The following HNRNPH3 variants were observed in gnomAD, a reference collection of about 807,000 sequenced individuals.
HNRNPH3 encodes the protein heterogeneous nuclear ribonucleoprotein H3.
In HNRNPH3, 7 loss-of-function variants were observed where a neutral mutation model predicts 47.0. The ratio of observed to expected loss-of-function variants is 0.15; its 90% CI spans 0.08 to 0.28. The LOEUF (loss-of-function observed/expected upper bound fraction) is 0.28, where lower values mean the gene tolerates loss of function less well. HNRNPH3 is among the 10% of genes least tolerant of loss of function. The probability of loss-of-function intolerance (pLI) is 1.00; values close to 1 mark genes in which losing one functional copy is unlikely to be tolerated. For synonymous variants in HNRNPH3, 120 were observed against 143.2 expected (o/e 0.84, Z 1.16); for missense variants, 279 against 449.6 (o/e 0.62, Z 3.43).
At chr10:68,341,542 A>G (rs1383638858) in intron 7 of HNRNPH3, 43 bp from the exon 8 acceptor site, 22 of 1,333,912 alleles carry the variant, frequency 1.6e-5, no homozygotes, top group Non-Finnish European at 1.8e-5. Flanking sequence ...AATTTTATCC[A>G]TCATTCCTTT....
rs146848138 is a variant in HNRNPH3 at position 68,341,679 on chromosome 10, G to C, written c.870G>C (p.Met290Ile). Residue 290 changes from methionine to isoleucine, a missense_variant and splice_region_variant, in exon 8 of 10, where the codon ATG becomes ATC. Met to Ile is a conservative substitution (Grantham distance 10). Transcript: ENST00000265866. ...TGGGAGGCTACGGAAGAGATGGAAT[G>C]GGTATGTAAAGTTTTTAAAATATGC... is the stretch of plus-strand genomic sequence containing the variant. ...SGMGGYGRDG[M>I]DNQGGYGSVG... is the part of the protein sequence containing the mutation. The C allele has an allele frequency of 3.4e-5, 54 of 1,610,194 alleles. No individual in the cohort carries two copies. In the African/African-American group the frequency reaches 7.1e-4, roughly 21 times the overall value.
At chr10:68,343,196 A>G (rs1028797543), downstream of HNRNPH3, 1 of 152,184 alleles carries the variant, frequency 6.6e-6, no homozygotes, top group Non-Finnish European at 1.5e-5. Flanking sequence ...AGATAATAGT[A>G]TGGCGTCTGT....
At chr10:68,339,283 C>A in intron 5 of HNRNPH3, 57 bp downstream of exon 5, 1 of 1,584,808 alleles carries the variant, frequency 6.3e-7, no homozygotes, top group Non-Finnish European at 8.6e-7. Flanking sequence ...ATTTGCTTTG[C>A]AAGCTCTTAG....
In HNRNPH3 at chr10:68,337,638, G is replaced by C; in HGVS notation, c.113-220G>C. 1.9e-6 allele frequency: 1 copy of C among 531,218 alleles called. No homozygotes were observed. The highest frequency in any genetic ancestry group is 3.3e-6 in the Non-Finnish European group (1 of 299,450). The allele number at this position is 531,218 out of a possible 1,614,324, so 32.9% of individuals were successfully genotyped here. A position where few individuals can be genotyped will look rare whatever the true frequency, so the allele number is the denominator to read the frequency against. ...CATGTAATATAGGTGGGCTTTTAGA[G>C]TGTGTAATTACACAGTGTTTTTACA... On this transcript the variant is annotated intron_variant, in intron 2 of 9. Coordinates refer to ENST00000265866, the MANE Select transcript of HNRNPH3 (RefSeq NM_012207.3). This position sits in a 1 kb window ranked among gnomAD's most constrained non-coding sequence, Gnocchi z 4.5.
In HNRNPH3 at chr10:68,342,168, T is replaced by C; in HGVS notation, c.*114T>C. On this transcript the variant is annotated 3_prime_UTR_variant, in exon 10 of 10. Transcript: ENST00000265866. ...CTTTATAATGACTGAAGGAATGTGT[T>C]TTCAAAATATTATTTGGTAAAGCAA... The C allele has an allele frequency of 1.5e-6, 1 of 668,592 alleles. No individual in the cohort carries two copies. The allele number at this position is 668,592 out of a possible 1,614,324, so 41.4% of individuals were successfully genotyped here.
chr10:68,341,966 C>G lies in HNRNPH3; in HGVS notation c.965-12C>G. 1 of 1,613,206 alleles carries G rather than the reference C, an allele frequency of 6.2e-7. No individual in the cohort carries two copies. The highest frequency in any genetic ancestry group is 8.5e-7 in the Non-Finnish European group (1 of 1,179,368). ...TCTCCTGCTGAGTGATTCTTAATAT[C>G]TTTTTCTTAAGGCCGTGGTGGTGGA... On this transcript the variant is annotated splice_polypyrimidine_tract_variant and intron_variant, in intron 9 of 9. Transcript: ENST00000265866.
chr10:68,334,872 A>T (rs369079466), intron 1 of HNRNPH3, among the ~76,000 whole-genome samples: 3 of 152,210 alleles, frequency 2.0e-5, no homozygotes, highest in Admixed American at 6.5e-5. Flanking sequence ...GTAGTTTCTG[A>T]CAGCTTTATT....
intron 1 of HNRNPH3, among the ~76,000 whole-genome samples, chr10:68,336,008 CTTATT>C (rs1050920251): frequency 6.6e-6 from 1 of 152,138 alleles, no homozygotes; most frequent in African/African-American, 2.4e-5. Context: ...TCTACATTAG[CTTATT>C]TTAAGTGCAT....
rs72408822 is a variant in HNRNPH3, at chr10:68,335,235, CTTT to C, written c.-23-1951_-23-1949del. On this transcript the variant is annotated intron_variant, in intron 1 of 9. Coordinates refer to ENST00000265866, the MANE Select transcript of HNRNPH3 (RefSeq NM_012207.3). ...GTAAATTAATTTTTCTTTTTCTTTT[CTTT>C]TTTTTTTTTTTTAAGCATTTGCTCC... 1.2e-3 allele frequency among the ~76,000 whole-genome samples: 170 copies of C among 136,778 alleles called. 5 individuals carry two copies. In the South Asian group the frequency reaches 0.034, roughly 27 times the overall value. 89.7% of individuals were successfully genotyped at this position (136,778 alleles called of 152,430 possible). A position where few individuals can be genotyped will look rare whatever the true frequency, so the allele number is the denominator to read the frequency against.
rs1332279461 is a variant in HNRNPH3, at chr10:68,332,141, A to C, written c.-99A>C. 1 of 152,292 alleles carries C rather than the reference A, an allele frequency of 6.6e-6. No homozygotes were observed. The highest frequency in any genetic ancestry group is 2.4e-5 in the African/African-American group (1 of 41,460). 9.4% of individuals were successfully genotyped at this position (152,292 alleles called of 1,614,324 possible). On this transcript the variant is annotated 5_prime_UTR_variant, in exon 1 of 10. Coordinates refer to ENST00000265866, the MANE Select transcript of HNRNPH3 (RefSeq NM_012207.3). ...GGAGAACCGTTGTGGCGAGCGCTAC[A>C]CGAGGCAAACGACTTCTCCCTTCTT...
Position 68,341,324 on chromosome 10 carries a change from T to C in HNRNPH3, c.775+15T>C, listed in dbSNP as rs1213336868. 2 of 1,592,104 alleles carry C rather than the reference T, an allele frequency of 1.3e-6. No individual in the cohort carries two copies. The highest frequency in any genetic ancestry group is 1.7e-6 in the Non-Finnish European group (2 of 1,174,188). ...AAATAACATGCGTAAGTGGTGTCTT[T>C]GGCACACAATCTTATTTCCTAAACG... is the stretch of plus-strand genomic sequence containing the variant. On this transcript the variant is annotated intron_variant, in intron 7 of 9. Transcript: ENST00000265866.
At chr10:68,340,651 A>G (rs750706719) in intron 6 of HNRNPH3, among the ~76,000 whole-genome samples, 6 of 152,226 alleles carry the variant, frequency 3.9e-5, no homozygotes, top group South Asian at 2.1e-4. Flanking sequence ...CTGAGTTCCA[A>G]CTGCTTTTAA....
At chr10:68,333,404 A>G (rs1232638633) in intron 1 of HNRNPH3, among the ~76,000 whole-genome samples, 1 of 152,108 alleles carries the variant, frequency 6.6e-6, no homozygotes, top group African/African-American at 2.4e-5. Flanking sequence ...ATGTGTGTGT[A>G]TTGAAATTGA....
intron 1 of HNRNPH3, 125 bp downstream of exon 1, chr10:68,332,341 T>A (rs1370847587): frequency 6.6e-6 from 1 of 152,076 alleles, no homozygotes; most frequent in Non-Finnish European, 1.5e-5. Flanking sequence ...AGGCCGCCGC[T>A]TGGAAGCGGC....
intron 1 of HNRNPH3, among the ~76,000 whole-genome samples, chr10:68,334,155 G>A (rs1183721657): frequency 2.0e-5 from 3 of 152,126 alleles, no homozygotes; most frequent in Admixed American, 6.5e-5. Context: ...AAGCTATTAG[G>A]GGTGTGTCTA....
Position 68,338,584 on chromosome 10 carries a change from G to A in HNRNPH3, c.333G>A (p.Pro111=), listed in dbSNP as rs144169122. 150 of 1,613,080 alleles carry A rather than the reference G, an allele frequency of 9.3e-5. No individual in the cohort carries two copies. The highest frequency in any genetic ancestry group is 8.3e-4 in the Middle Eastern group (5 of 6,058). Residue 111 remains proline, a synonymous_variant, in exon 4 of 10, where the codon CCG becomes CCA. Coordinates refer to ENST00000265866, the MANE Select transcript of HNRNPH3 (RefSeq NM_012207.3). ...DPPRRLLGQR[P]GPYDRPIGGR... is the part of the protein sequence containing the mutation. ...CAAGAAGATTGCTGGGACAGCGACC[G>A]GGACCATATGATAGACCAATAGGAG...
In HNRNPH3 at chr10:68,332,105, G is replaced by A. The variant is rs1017294436; in HGVS notation, c.-135G>A. 5 of 152,346 alleles carry A rather than the reference G, an allele frequency of 3.3e-5. No individual in the cohort carries two copies. Among genetic ancestry groups the A allele is most frequent in the Non-Finnish European group, 7.3e-5 (5 of 68,112 alleles). 9.4% of individuals were successfully genotyped at this position (152,346 alleles called of 1,614,324 possible). On this transcript the variant is annotated 5_prime_UTR_variant, in exon 1 of 10. Transcript: ENST00000265866. Reference sequence around the variant, plus strand: ...AGCTCCCTAAGCGGTTGTCACCGCTGGAGACGGTTGGGAGAACCGTTGTGG... The same window carrying A: ...AGCTCCCTAAGCGGTTGTCACCGCTAGAGACGGTTGGGAGAACCGTTGTGG...
chr10:68,336,990 T>C, intron 1 of HNRNPH3: 1 of 425,298 alleles, frequency 2.4e-6, no homozygotes, highest in Non-Finnish European at 4.2e-6. Context: ...CGAAATTCAG[T>C]ACTTTTCCGT....
Position 68,342,109 on chromosome 10 carries a change from T to C in HNRNPH3, c.*55T>C. The C allele has an allele frequency of 8.3e-7, 1 of 1,209,086 alleles. No individual in the cohort carries two copies. Among genetic ancestry groups the C allele is most frequent in the East Asian group, 2.4e-5 (1 of 40,982 alleles). 74.9% of individuals were successfully genotyped at this position (1,209,086 alleles called of 1,614,324 possible). On this transcript the variant is annotated 3_prime_UTR_variant, in exon 10 of 10. Coordinates refer to ENST00000265866, the MANE Select transcript of HNRNPH3 (RefSeq NM_012207.3). The stretch of plus-strand genomic sequence containing the variant: ...CAACAGCATCTGGTCTACTAGACTT[T>C]CTTACAGATTTAATTTCTTTTGTAT...
Sources: allele counts gnomAD v4.1 joint callset (sites outside exome capture counted in the v4.1 genomes callset), GRCh38; gene constraint gnomAD v4.1.1; non-coding constraint Gnocchi (gnomAD v3.1); transcripts MANE v1.5; gene names NCBI Gene and HGNC (gene_info 2026-07-23, HGNC 2026-07-21).